HARS2: variants seen among roughly 807,000 people sequenced by gnomAD.
The protein encoded by HARS2 is histidyl-tRNA synthetase 2, mitochondrial, also known as histidine--tRNA ligase, mitochondrial.
Under a neutral mutation model 62.4 loss-of-function variants are expected in HARS2, and 40 were observed. The observed-to-expected ratio is 0.64, with a 90% CI of 0.50 to 0.83. The LOEUF is 0.83. Ranked by LOEUF, HARS2 falls within the 40% of genes least tolerant of loss-of-function variation. The pLI is 0.00. For missense variants in HARS2, 569 were observed against 626.4 expected (o/e 0.91, Z 0.98); for synonymous variants, 228 against 227.0 (o/e 1.00, Z -0.04).
At position 140,695,610 on chromosome 5, in the gene HARS2, C is replaced by T. The variant is rs761054820; in HGVS notation, c.502C>T (p.Arg168Cys). Reference sequence around the variant, plus strand: ...AGAGAGCCCAACCATAGTCCAAGGCCGTTATAGGGAGTTCTGCCAGTGTGT... The same window carrying T: ...AGAGAGCCCAACCATAGTCCAAGGCTGTTATAGGGAGTTCTGCCAGTGTGT... The part of the protein sequence containing the change: ...RRESPTIVQG[R>C]YREFCQCDFD... The change falls in exon 5 of 13, where the codon CGT (arginine) becomes TGT (cysteine). Residue 168 changes from arginine to cysteine, a missense_variant. By Grantham distance (180) the Arg-to-Cys change is radical. Coordinates refer to ENST00000230771, the MANE Select transcript of HARS2 (RefSeq NM_012208.4). 18 of 1,614,014 alleles carry T rather than the reference C, an allele frequency of 1.1e-5. No individual in the cohort carries two copies. The highest frequency in any genetic ancestry group is 1.1e-4 in the African/African-American group (8 of 74,890).
chr5:140,697,865 T>C, intron 11 of HARS2, 67 bp from the exon 12 acceptor site: 1 of 1,535,230 alleles, frequency 6.5e-7, no homozygotes, highest in Non-Finnish European at 9.0e-7. Context: ...TTCTTGGATA[T>C]CCATGTTCCT....
In HARS2 at chr5:140,698,623, G is replaced by A. The variant is rs1759857387; in HGVS notation, c.*71G>A. 1 of 1,174,034 alleles carries A rather than the reference G, an allele frequency of 8.5e-7. No homozygotes were observed. Among genetic ancestry groups the A allele is most frequent in the African/African-American group, 1.5e-5 (1 of 66,656 alleles). The allele number at this position is 1,174,034 out of a possible 1,614,324, so 72.7% of individuals were successfully genotyped here. On this transcript the variant is annotated 3_prime_UTR_variant, in exon 13 of 13. Coordinates refer to ENST00000230771, the MANE Select transcript of HARS2 (RefSeq NM_012208.4). ...TCTAGAACTGAATTCCTCTGGAATT[G>A]AGTGATGGACTTCACAACAACTAGC... is the stretch of plus-strand genomic sequence containing the variant.
In HARS2 at chr5:140,698,943, C is replaced by G. The variant is rs1562065948; in HGVS notation, c.*391C>G. The G allele has an allele frequency of 1.0e-5, 3 of 292,666 alleles. No homozygotes were observed. Among genetic ancestry groups the G allele is most frequent in the South Asian group, 3.4e-5 (1 of 28,998 alleles). 18.1% of individuals were successfully genotyped at this position (292,666 alleles called of 1,614,324 possible). On this transcript the variant is annotated 3_prime_UTR_variant, in exon 13 of 13. Transcript: ENST00000230771. ...TTAGCCTTCTACTGTAGCTACGGAA[C>G]CAGATTCTGGTGAATTTGTCCACAA...
At chr5:140,697,742 G>A (rs893327008) in intron 11 of HARS2, 57 bp downstream of exon 11, 3 of 1,321,034 alleles carry the variant, frequency 2.3e-6, no homozygotes, top group Non-Finnish European at 3.3e-6. Context: ...AGGACCCAGG[G>A]CTATATCTAT....
intron 4 of HARS2, among the ~76,000 whole-genome samples, chr5:140,694,594 C>T (rs1417195020): frequency 6.6e-6 from 1 of 152,126 alleles, no homozygotes; most frequent in Non-Finnish European, 1.5e-5. Context: ...TGGCCAGACA[C>T]GTGGCTCACG....
chr5:140,691,736 G>A lies in HARS2; in HGVS notation c.88G>A (p.Ala30Thr). The change falls in exon 1 of 13, where the codon GCG becomes ACG. Residue 30 changes from alanine to threonine, a missense_variant. Physicochemically the swap from Ala to Thr is moderately conservative, Grantham distance 58. Transcript: ENST00000230771. ...LRPPCASCTG[A>T]VRCQSQVAEA... ...ACCGCCCTGCGCTTCGTGCACCGGG[G>A]CGGTCCGTTGCCAAAGCCAGGTGAG... 1.9e-6 allele frequency: 3 copies of A among 1,551,666 alleles called. No individual in the cohort carries two copies. The highest frequency in any genetic ancestry group is 2.6e-6 in the Non-Finnish European group (3 of 1,147,076).
At chr5:140,694,405 A>G (rs555954745) in intron 4 of HARS2, 125 bp downstream of exon 4, 15 of 752,554 alleles carry the variant, frequency 2.0e-5, no homozygotes, top group African/African-American at 1.7e-4. Context: ...AGTTTCTCCC[A>G]GAAGGCAGTT....
intron 2 of HARS2, 82 bp from the exon 3 acceptor site, chr5:140,693,853 A>G (rs374652548): frequency 1.5e-5 from 23 of 1,510,440 alleles, no homozygotes; most frequent in South Asian, 3.4e-5. Flanking sequence ...CTGAGATTAC[A>G]TAATAAGTGT....
At chr5:140,694,147 T>C (rs773836159) in intron 3 of HARS2, 38 bp from the exon 4 acceptor site, 3 of 1,603,288 alleles carry the variant, frequency 1.9e-6, no homozygotes, top group Non-Finnish European at 2.6e-6. Flanking sequence ...TTTGGAGTCA[T>C]GCTTTCAACT....
In HARS2 at chr5:140,695,615, T is replaced by C. The variant is rs762354615; in HGVS notation, c.507T>C (p.Tyr169=). Residue 169 remains tyrosine (Y), a synonymous_variant, in exon 5 of 13, where the codon TAT becomes TAC. Transcript: ENST00000230771. ...GCCCAACCATAGTCCAAGGCCGTTA[T>C]AGGGAGTTCTGCCAGTGTGTAAGTG... ...RESPTIVQGR[Y]REFCQCDFDI... is the part of the protein sequence containing the mutation. 1.1e-5 allele frequency: 18 copies of C among 1,614,102 alleles called. No homozygotes were observed. The East Asian group carries it at 2.0e-4, about 18-fold the overall frequency.
intron 4 of HARS2, 51 bp downstream of exon 4, chr5:140,694,331 G>T (rs184394978): frequency 7.7e-7 from 1 of 1,296,290 alleles, no homozygotes; most frequent in East Asian, 2.3e-5. Context: ...AATCCAGCGG[G>T]CTTTCTCTGA....
chr5:140,693,777 A>G (rs1759637425), intron 2 of HARS2, 112 bp downstream of exon 2: 3 of 1,227,012 alleles, frequency 2.4e-6, no homozygotes, highest in South Asian at 2.4e-5. Context: ...TTAAAAATAT[A>G]TACTATTCTT....
intron 1 of HARS2, 96 bp downstream of exon 1, chr5:140,691,852 G>A (rs1759503721): frequency 2.3e-6 from 2 of 882,734 alleles, no homozygotes; most frequent in Non-Finnish European, 3.7e-6. Context: ...GTTACAATCG[G>A]TTTTTATCGA....
chr5:140,696,724 C>T (rs1054977604), intron 8 of HARS2, 110 bp downstream of exon 8: 1 of 946,406 alleles, frequency 1.1e-6, no homozygotes, highest in African/African-American at 1.6e-5. Context: ...GCTCCAGGGC[C>T]TGTCCTGAAT....
chr5:140,694,121 G>A (rs1759656707), intron 3 of HARS2, 64 bp from the exon 4 acceptor site: 5 of 1,608,358 alleles, frequency 3.1e-6, no homozygotes. Context: ...TGTCCCAAAG[G>A]GCTTCTCATC....
intron 1 of HARS2, 182 bp from the exon 2 acceptor site, chr5:140,693,409 A>C: frequency 8.3e-7 from 1 of 1,205,234 alleles, no homozygotes; most frequent in Non-Finnish European, 1.2e-6. Flanking sequence ...TTACACGTGT[A>C]ATTGTAAATA....
Position 140,696,093 on chromosome 5 carries a change from G to A in HARS2, c.634-10G>A. 2 of 1,606,044 alleles carry A rather than the reference G, an allele frequency of 1.2e-6. No individual in the cohort carries two copies. The highest frequency in any genetic ancestry group is 1.7e-6 in the Non-Finnish European group (2 of 1,172,642). On this transcript the variant is annotated splice_polypyrimidine_tract_variant and intron_variant, in intron 6 of 12. Coordinates refer to ENST00000230771, the MANE Select transcript of HARS2 (RefSeq NM_012208.4). ...GACAAGCACTTGGGTCACTGACATT[G>A]AGTTCTCAGGTAAATGACCGGCGGA...
At position 140,696,928 on chromosome 5, in the gene HARS2, T is replaced by C; in HGVS notation, c.827-15T>C. 1 of 1,611,664 alleles carries C rather than the reference T, an allele frequency of 6.2e-7. No homozygotes were observed. Among genetic ancestry groups the C allele is most frequent in the South Asian group, 1.1e-5 (1 of 90,776 alleles). On this transcript the variant is annotated splice_polypyrimidine_tract_variant and intron_variant, in intron 8 of 12. Transcript: ENST00000230771. The stretch of plus-strand genomic sequence containing the variant: ...ACACATGTGAGTGAACAGCAGAGAC[T>C]TTATTTCTCTCCAGGTGGGGTATCC...
intron 1 of HARS2, chr5:140,692,020 A>G (rs1268016023): frequency 9.4e-6 from 5 of 530,326 alleles, no homozygotes; most frequent in Admixed American, 6.7e-5. Context: ...GATATGTAGT[A>G]AGGGAGTATT....
Sources: allele counts gnomAD v4.1 joint callset (sites outside exome capture counted in the v4.1 genomes callset), GRCh38; gene constraint gnomAD v4.1.1; transcripts MANE v1.5; gene names NCBI Gene and HGNC (gene_info 2026-07-23, HGNC 2026-07-21).